Variants in AKAP19 observed in about 807,000 individuals in gnomAD.
AKAP19 encodes A-kinase anchoring protein 19.
At chr2:189,907,049 A>G in the AKAP19 span, among the ~76,000 whole-genome samples, 1 of 152,138 alleles carries the variant, frequency 6.6e-6, no homozygotes, top group Non-Finnish European at 1.5e-5. Context: ...ATAGCTTCCT[A>G]ATTGACCCCT....
the AKAP19 span, among the ~76,000 whole-genome samples, chr2:190,110,503 A>T: frequency 6.6e-6 from 1 of 152,192 alleles, no homozygotes; most frequent in Non-Finnish European, 1.5e-5. Context: ...CTAATAGCTA[A>T]TCCTGGAGTT....
chr2:189,931,960 T>C, the AKAP19 span, among the ~76,000 whole-genome samples: 1 of 152,212 alleles, frequency 6.6e-6, no homozygotes, highest in Non-Finnish European at 1.5e-5. Flanking sequence ...ATTTAAATTT[T>C]GCCAATTTCC....
the AKAP19 span, among the ~76,000 whole-genome samples, chr2:190,187,028 T>C: frequency 2.5e-3 from 373 of 152,184 alleles, 5 homozygotes; most frequent in Admixed American, 0.018. Context: ...TTAGTAGAGA[T>C]GGCATTTCAC....
the AKAP19 span, among the ~76,000 whole-genome samples, chr2:189,973,638 A>C: frequency 1.3e-5 from 2 of 152,168 alleles, no homozygotes; most frequent in African/African-American, 4.8e-5. Flanking sequence ...TTGGTAGGCT[A>C]TTAAGTATTG....
the AKAP19 span, among the ~76,000 whole-genome samples, chr2:189,969,309 G>A: frequency 9.9e-5 from 15 of 152,216 alleles, no homozygotes; most frequent in African/African-American, 2.9e-4. Context: ...CTCTATGAAG[G>A]AAGCAAGCTC....
the AKAP19 span, among the ~76,000 whole-genome samples, chr2:190,045,729 GGGC>G: frequency 3.3e-5 from 5 of 152,204 alleles, no homozygotes; most frequent in Non-Finnish European, 7.3e-5. Context: ...CATGGAAGTG[GGGC>G]CTGCAGGCTG....
At chr2:190,000,501 A>G in the AKAP19 span, among the ~76,000 whole-genome samples, 10 of 152,200 alleles carry the variant, frequency 6.6e-5, no homozygotes, top group Non-Finnish European at 1.5e-5. Flanking sequence ...TGGTGTAGGT[A>G]AAAGTCCAGG....
At chr2:189,937,732 G>C in the AKAP19 span, among the ~76,000 whole-genome samples, 1 of 152,136 alleles carries the variant, frequency 6.6e-6, no homozygotes. Context: ...CAGTTAAAAT[G>C]GCTTATATAC....
chr2:190,015,520 G>A, the AKAP19 span, among the ~76,000 whole-genome samples: 1 of 152,212 alleles, frequency 6.6e-6, no homozygotes, highest in East Asian at 1.9e-4. Context: ...GCCTGTGATA[G>A]GAGAGGCTGC....
chr2:189,960,763 T>C, the AKAP19 span, among the ~76,000 whole-genome samples: 1 of 152,190 alleles, frequency 6.6e-6, no homozygotes, highest in Non-Finnish European at 1.5e-5. Flanking sequence ...AACCAGAGGA[T>C]AGTAAGGTCA....
chr2:190,164,440 A>G, the AKAP19 span, among the ~76,000 whole-genome samples: 8 of 152,128 alleles, frequency 5.3e-5, no homozygotes, highest in African/African-American at 1.9e-4. Flanking sequence ...CTGAGGTGGG[A>G]GGATTGCTTG....
chr2:189,931,264 T>C, the AKAP19 span, among the ~76,000 whole-genome samples: 1 of 152,144 alleles, frequency 6.6e-6, no homozygotes. Flanking sequence ...ATTGTAAAAA[T>C]AGTACACCCT....
the AKAP19 span, among the ~76,000 whole-genome samples, chr2:189,970,142 C>T: frequency 6.6e-6 from 1 of 152,104 alleles, no homozygotes; most frequent in Admixed American, 6.5e-5. Context: ...GCTGAGATTA[C>T]AGGCATGAGC....
chr2:190,078,998 GA>G, the AKAP19 span, among the ~76,000 whole-genome samples: 21 of 143,106 alleles, frequency 1.5e-4, no homozygotes, highest in African/African-American at 2.2e-4. Context: ...TTATAACTAT[GA>G]AAAAAAACAT....
At chr2:190,185,499 T>C in the AKAP19 span, among the ~76,000 whole-genome samples, 1 of 152,226 alleles carries the variant, frequency 6.6e-6, no homozygotes, top group Non-Finnish European at 1.5e-5. Flanking sequence ...CTTTTCATTT[T>C]TCTGTGAGGA....
chr2:190,127,126 T>C, the AKAP19 span, among the ~76,000 whole-genome samples: 1 of 151,702 alleles, frequency 6.6e-6, no homozygotes, highest in African/African-American at 2.4e-5. Flanking sequence ...TTTTGTCTTA[T>C]ACTTTTGTAT....
chr2:190,142,886 C>A, the AKAP19 span, among the ~76,000 whole-genome samples: 1 of 152,170 alleles, frequency 6.6e-6, no homozygotes, highest in East Asian at 1.9e-4. Context: ...TCAAGAGAGT[C>A]ACCCACAAGG....
the AKAP19 span, among the ~76,000 whole-genome samples, chr2:189,975,803 G>A: frequency 1.4e-4 from 21 of 152,216 alleles, no homozygotes; most frequent in African/African-American, 4.6e-4. Context: ...CATTCGTCAA[G>A]TAGTTCTCGT....
At chr2:190,158,582 A>C in the AKAP19 span, among the ~76,000 whole-genome samples, 1 of 152,226 alleles carries the variant, frequency 6.6e-6, no homozygotes, top group Admixed American at 6.5e-5. Flanking sequence ...ATATTGATTA[A>C]ATTGTAAATT....
Sources: allele counts gnomAD v4.1 joint callset (sites outside exome capture counted in the v4.1 genomes callset), GRCh38; gene constraint gnomAD v4.1.1; transcripts MANE v1.5; gene names NCBI Gene and HGNC (gene_info 2026-07-23, HGNC 2026-07-21).